Variants in TOGARAM1 observed in about 807,000 individuals in gnomAD.
The protein encoded by TOGARAM1 is TOG array regulator of axonemal microtubules 1, also known as TOG array regulator of axonemal microtubules protein 1.
A neutral mutation model predicts 166.6 loss-of-function variants in TOGARAM1; 100 were observed. The ratio of observed to expected loss-of-function variants is 0.60; its 90% CI spans 0.51 to 0.71. The LOEUF (loss-of-function observed/expected upper bound fraction) is 0.71. Among genes scored for constraint, TOGARAM1 ranks in the 30% least tolerant of loss-of-function variants. The pLI is 0.00. For missense variants in TOGARAM1, 2,029 were observed against 2,102.7 expected (o/e 0.96, Z 0.69); for synonymous variants, 758 against 763.8 (o/e 0.99, Z 0.13).
At chr14:45,023,585 T>C (rs1358618016) in intron 7 of TOGARAM1, among the ~76,000 whole-genome samples, 1 of 152,182 alleles carries the variant, frequency 6.6e-6, no homozygotes, top group Non-Finnish European at 1.5e-5. Flanking sequence ...TACTCAGGTA[T>C]GCCAGGGGTT....
At chr14:45,037,366 T>G (rs1426117354) in intron 11 of TOGARAM1, among the ~76,000 whole-genome samples, 1 of 152,224 alleles carries the variant, frequency 6.6e-6, no homozygotes, top group Non-Finnish European at 1.5e-5. Flanking sequence ...AAATCTCTTT[T>G]GCTGTCACAC....
At chr14:44,965,206 C>A (rs1047868573) in intron 1 of TOGARAM1, among the ~76,000 whole-genome samples, 12 of 152,158 alleles carry the variant, frequency 7.9e-5, no homozygotes, top group African/African-American at 2.9e-4. Context: ...CGGCATATAT[C>A]TCCTAAGAAT....
intron 17 of TOGARAM1, 43 bp from the exon 18 acceptor site, chr14:45,068,381 T>G (rs759147847): frequency 7.2e-7 from 1 of 1,384,774 alleles, no homozygotes; most frequent in Admixed American, 2.0e-5. Flanking sequence ...ACAATAGCTA[T>G]AAAAATCATT....
chr14:45,071,683 A>C, intron 18 of TOGARAM1, 29 bp from the exon 19 acceptor site: 3 of 1,505,506 alleles, frequency 2.0e-6, no homozygotes, highest in Middle Eastern at 3.4e-4. Flanking sequence ...TACTCTTTAA[A>C]CATGTGTCTC....
intron 15 of TOGARAM1, 108 bp downstream of exon 15, chr14:45,052,670 A>T: frequency 2.9e-6 from 3 of 1,035,374 alleles, no homozygotes; most frequent in Non-Finnish European, 4.1e-6. Context: ...TCTGTTAATC[A>T]TTTGGACTAT....
At chr14:44,999,542 T>C in intron 3 of TOGARAM1, 45 bp downstream of exon 3, 1 of 1,491,180 alleles carries the variant, frequency 6.7e-7, no homozygotes, top group Non-Finnish European at 9.1e-7. Context: ...TTATAAATAT[T>C]ATGTGGGGAT....
At chr14:45,009,251 T>TA (rs1879650111) in intron 6 of TOGARAM1, 106 bp downstream of exon 6, 1 of 800,528 alleles carries the variant, frequency 1.2e-6, no homozygotes, top group African/African-American at 1.8e-5. Context: ...TTTTAGTTTT[T>TA]AAAATGTTAA....
intron 16 of TOGARAM1, among the ~76,000 whole-genome samples, chr14:45,064,782 T>C (rs1883062027): frequency 6.6e-6 from 1 of 152,222 alleles, no homozygotes; most frequent in South Asian, 2.1e-4. Context: ...ATTCGCATGG[T>C]TGAATTTAAG....
At chr14:44,999,229 C>T (rs1185414099) in intron 2 of TOGARAM1, 134 bp from the exon 3 acceptor site, 2 of 782,462 alleles carry the variant, frequency 2.6e-6, no homozygotes, top group Admixed American at 7.1e-5. Flanking sequence ...CCCTTTCTTG[C>T]CTGCCTACCT....
intron 17 of TOGARAM1, among the ~76,000 whole-genome samples, chr14:45,067,472 A>G (rs1883189878): frequency 6.6e-6 from 1 of 152,162 alleles, no homozygotes; most frequent in Non-Finnish European, 1.5e-5. Flanking sequence ...AAAGGGAAAT[A>G]TTAATAAATA....
intron 6 of TOGARAM1, among the ~76,000 whole-genome samples, chr14:45,009,839 G>T (rs984145696): frequency 3.9e-5 from 6 of 152,114 alleles, no homozygotes; most frequent in Admixed American, 3.9e-4. Flanking sequence ...TAGGATTTTG[G>T]AGAATCCCTT....
chr14:44,979,925 T>TA (rs1566605041), intron 1 of TOGARAM1, among the ~76,000 whole-genome samples: 3 of 152,224 alleles, frequency 2.0e-5, no homozygotes, highest in African/African-American at 7.2e-5. Context: ...AGAGTGTGCT[T>TA]AGTATGTGAT....
intron 11 of TOGARAM1, among the ~76,000 whole-genome samples, chr14:45,035,314 C>A (rs532308104): frequency 6.6e-6 from 1 of 151,680 alleles, no homozygotes; most frequent in African/African-American, 2.4e-5. Flanking sequence ...GAGCTGAGAT[C>A]GTACCACTGC....
intron 10 of TOGARAM1, among the ~76,000 whole-genome samples, chr14:45,030,471 G>C (rs922597879): frequency 6.6e-6 from 1 of 152,104 alleles, no homozygotes; most frequent in Non-Finnish European, 1.5e-5. Flanking sequence ...CACAATACTA[G>C]GGAAGATAAT....
intron 1 of TOGARAM1, among the ~76,000 whole-genome samples, chr14:44,988,394 T>C (rs1414217774): frequency 6.6e-6 from 1 of 152,188 alleles, no homozygotes; most frequent in Non-Finnish European, 1.5e-5. Flanking sequence ...GCCCATAGGG[T>C]AGACAGTATA....
chr14:45,010,914 T>C (rs1013094750), intron 6 of TOGARAM1, among the ~76,000 whole-genome samples: 12 of 152,218 alleles, frequency 7.9e-5, no homozygotes, highest in African/African-American at 2.7e-4. Flanking sequence ...TAATCTGTTA[T>C]AGAGAAATTG....
rs1483612707 is a variant in TOGARAM1, at chr14:44,964,457, A to C, written c.2036A>C (p.Asp679Ala). 26 of 1,569,652 alleles carry C rather than the reference A, an allele frequency of 1.7e-5. No individual in the cohort carries two copies. The highest frequency in any genetic ancestry group is 2.2e-5 in the Non-Finnish European group (26 of 1,158,698). Residue 679 changes from aspartate to alanine, a missense_variant, in exon 1 of 20, where the codon GAT becomes GCT. Physicochemically the swap from Asp to Ala is moderately radical, Grantham distance 126. Around this residue, in one of 2 missense-constraint regions of TOGARAM1, gnomAD observed 1,453 missense variants for 1,432.2 expected, o/e 1.01. Coordinates refer to ENST00000361462, the MANE Select transcript of TOGARAM1 (RefSeq NM_001308120.2). Reference sequence around the variant, plus strand: ...GAAAACCAGACCTCCACTTCCAAGGATATAGAGCAGGTATGCTTCTCTAAT... The same window carrying C: ...GAAAACCAGACCTCCACTTCCAAGGCTATAGAGCAGGTATGCTTCTCTAAT... Reference protein sequence around the residue: ...MGENQTSTSKDIEQFSTYDFI... With the variant: ...MGENQTSTSKAIEQFSTYDFI...
At chr14:45,008,821 A>C in intron 5 of TOGARAM1, 92 bp from the exon 6 acceptor site, 1 of 886,546 alleles carries the variant, frequency 1.1e-6, no homozygotes, top group Non-Finnish European at 1.7e-6. Flanking sequence ...GTGGTTAGCT[A>C]GGTATAGCTA....
At chr14:45,009,427 C>T (rs1879660525) in intron 6 of TOGARAM1, among the ~76,000 whole-genome samples, 1 of 152,114 alleles carries the variant, frequency 6.6e-6, no homozygotes, top group Admixed American at 6.5e-5. Flanking sequence ...TAGGATTTAT[C>T]CTAATGCTTT....
Sources: gnomAD v4.1 joint callset for allele counts (sites outside exome capture counted in the v4.1 genomes callset) on GRCh38, gnomAD v4.1.1 for gene constraint, gnomAD v4.1.1 regional missense constraint, MANE v1.5 for transcripts, NCBI Gene and HGNC (gene_info 2026-07-23, HGNC 2026-07-21) for gene names.